The following JAK1 variants were observed in gnomAD, a reference collection of about 807,000 sequenced individuals.
JAK1 encodes tyrosine-protein kinase JAK1.
In JAK1, 16 loss-of-function variants were observed where a neutral mutation model predicts 136.6. That is an observed-to-expected ratio of 0.12 (90% CI 0.08 to 0.18). The LOEUF is 0.18. Among genes scored for constraint, JAK1 ranks in the 10% least tolerant of loss-of-function variants. JAK1 has a pLI of 1.00. For missense variants in JAK1, 859 were observed against 1,450.1 expected, an observed-to-expected ratio of 0.59 and a Z score of 6.62; for synonymous variants, 492 against 519.5, an observed-to-expected ratio of 0.95 and a Z score of 0.72.
At position 64,984,943 on chromosome 1, in the gene JAK1, G is replaced by A. The variant is rs1466960009; in HGVS notation, c.-78+59537C>T. The A allele has an allele frequency of 9.3e-7, 1 of 1,080,766 alleles. No homozygotes were observed. Among genetic ancestry groups the A allele is most frequent in the Non-Finnish European group, 1.4e-6 (1 of 698,036 alleles). The allele number at this position is 1,080,766 out of a possible 1,614,324, so 66.9% of individuals were successfully genotyped here. A position where few individuals can be genotyped will look rare whatever the true frequency, so the allele number is the denominator to read the frequency against. Reference sequence around the variant, plus strand: ...AAGAGTTCAGCCACAATAAACCAGGGAATGTGGTCTGGCCCAATTTCAAAG... The same window carrying A: ...AAGAGTTCAGCCACAATAAACCAGGAAATGTGGTCTGGCCCAATTTCAAAG... On this transcript the variant is annotated intron_variant, in intron 2 of 25. Coordinates refer to the JAK1 transcript ENST00000671954. The surrounding 1 kb of genome is among the most constrained non-coding windows in gnomAD (Gnocchi z 4.1).
At chr1:65,056,411 G>C (rs1377881952) in intron 1 of JAK1, among the ~76,000 whole-genome samples, 1 of 152,204 alleles carries the variant, frequency 6.6e-6, no homozygotes, top group East Asian at 1.9e-4. Flanking sequence ...AGACACTAAA[G>C]GGAACTGCAA....
rs200903775 is a variant in JAK1 at position 64,883,470 on chromosome 1, T to A, written c.12A>T (p.Leu4=). The A allele has an allele frequency of 1.1e-5, 17 of 1,613,378 alleles. 1 individual carries two copies. The highest frequency in any genetic ancestry group is 3.3e-4 in the Middle Eastern group (2 of 6,060). MQY[L]NIKEDCNAMA... The stretch of plus-strand genomic sequence containing the variant: ...TGGCATTGCAGTCCTCTTTTATATT[T>A]AGATACTGTTGTGGAAGGAAAACAA... Residue 4 remains leucine (L), a synonymous_variant, in exon 3 of 25, where the codon CTA becomes CTT. Coordinates refer to ENST00000342505, the MANE Select transcript of JAK1 (RefSeq NM_002227.4).
chr1:64,935,122 G>A (rs80204369), intron 1 of JAK1, among the ~76,000 whole-genome samples: 2,715 of 152,274 alleles, frequency 0.018, 76 homozygotes, highest in African/African-American at 0.061. Context: ...AGATGCATCA[G>A]ACATCCTTGG....
intron 2 of JAK1, among the ~76,000 whole-genome samples, chr1:64,976,893 T>C (rs1646501389): frequency 6.6e-6 from 1 of 152,162 alleles, no homozygotes; most frequent in Non-Finnish European, 1.5e-5. Context: ...TTCTCTAGGG[T>C]CCTTGCTGGG....
rs1012117820 is a variant in JAK1, at chr1:64,833,846, C to T, written c.*716G>A. The T allele has an allele frequency of 1.3e-5, 3 of 225,520 alleles. No homozygotes were observed. The highest frequency in any genetic ancestry group is 2.6e-5 in the Non-Finnish European group (3 of 116,966). The allele number at this position is 225,520 out of a possible 1,614,324, so 14.0% of individuals were successfully genotyped here. On this transcript the variant is annotated 3_prime_UTR_variant, in exon 25 of 25. Transcript: ENST00000342505. ...TAAAGGTATACTGCTTAGGAAAGCA[C>T]TGGCACAGGCTTAGTTCTTGAGAAT... is the stretch of plus-strand genomic sequence containing the variant.
rs1264443763 is a variant in JAK1, at chr1:65,027,469, T to TA, written c.-78+17010dup. On this transcript the variant is annotated intron_variant, in intron 2 of 25. Coordinates refer to the JAK1 transcript ENST00000671954. ...AAGCAGAGCAAAATCTCCTTACATG[T>TA]ATTTTTGTTCCGCTTCCTGTCAATT... 7.9e-5 allele frequency among the ~76,000 whole-genome samples: 12 copies of TA among 152,206 alleles called. No homozygotes were observed. In the East Asian group the frequency reaches 2.1e-3, roughly 27 times the overall value.
intron 1 of JAK1, among the ~76,000 whole-genome samples, chr1:64,891,983 T>C (rs2101367056): frequency 6.6e-6 from 1 of 152,390 alleles, no homozygotes; most frequent in Admixed American, 6.5e-5. Flanking sequence ...GGAGCCTGCA[T>C]TCAGTGAGAG....
At chr1:65,006,846 A>G (rs1646808060) in intron 2 of JAK1, among the ~76,000 whole-genome samples, 1 of 152,226 alleles carries the variant, frequency 6.6e-6, no homozygotes, top group African/African-American at 2.4e-5. Context: ...ATAGTAATGC[A>G]CTCAATTTAA....
intron 2 of JAK1, among the ~76,000 whole-genome samples, chr1:64,975,425 T>C (rs1557738399): frequency 2.0e-5 from 3 of 152,168 alleles, no homozygotes; most frequent in Non-Finnish European, 2.9e-5. Flanking sequence ...GGTGGCCACA[T>C]TTCACACACT....
upstream of JAK1, among the ~76,000 whole-genome samples, chr1:64,971,528 G>A (rs1040241236): frequency 1.3e-5 from 2 of 151,602 alleles, no homozygotes; most frequent in African/African-American, 2.4e-5. Flanking sequence ...GCAGAGACGC[G>A]GTTTCATCAT....
intron 1 of JAK1, among the ~76,000 whole-genome samples, chr1:64,929,211 G>T (rs1645646106): frequency 6.6e-6 from 1 of 152,174 alleles, no homozygotes; most frequent in African/African-American, 2.4e-5. Flanking sequence ...AAAAGCAAAT[G>T]AATTCATAAC....
At chr1:65,006,909 A>G (rs923040544) in intron 2 of JAK1, among the ~76,000 whole-genome samples, 1 of 152,220 alleles carries the variant, frequency 6.6e-6, no homozygotes, top group Non-Finnish European at 1.5e-5. Context: ...TAAGATGATT[A>G]ACATTTTTAA....
At chr1:64,873,207 T>A (rs1204282061) in intron 5 of JAK1, among the ~76,000 whole-genome samples, 163 bp downstream of exon 5, 1 of 152,164 alleles carries the variant, frequency 6.6e-6, no homozygotes, top group Non-Finnish European at 1.5e-5. Flanking sequence ...ATGCTGCCTT[T>A]TTTCTCCTCA....
At chr1:64,909,124 T>C (rs1363204594) in intron 1 of JAK1, among the ~76,000 whole-genome samples, 4 of 152,254 alleles carry the variant, frequency 2.6e-5, no homozygotes, top group African/African-American at 9.6e-5. Flanking sequence ...ACTATCTGGA[T>C]GCAACGTAAG....
Position 64,860,826 on chromosome 1 carries a change from C to CTGTGTGTGTGTGTGTGTG in JAK1, c.1177-582_1177-565dup, listed in dbSNP as rs72032330. 3.4e-3 allele frequency among the ~76,000 whole-genome samples: 405 copies of CTGTGTGTGTGTGTGTGTG among 120,422 alleles called. 8 individuals are homozygous for CTGTGTGTGTGTGTGTGTG. The highest frequency in any genetic ancestry group is 8.3e-3 in the Middle Eastern group (2 of 242). 79.0% of individuals were successfully genotyped at this position (120,422 alleles called of 152,430 possible). ...TATTATCTCAAACTATCAGATGACT[C>CTGTGTGTGTGTGTGTGTG]TGTGTGTGTGTGTGTGTGTGTGTGT... On this transcript the variant is annotated intron_variant, in intron 8 of 24. Transcript: ENST00000342505.
intron 1 of JAK1, among the ~76,000 whole-genome samples, chr1:65,055,024 A>G (rs1171632598): frequency 1.3e-5 from 2 of 152,188 alleles, no homozygotes; most frequent in African/African-American, 4.8e-5. Flanking sequence ...TTGTGGTAAA[A>G]TACACATAAA....
intron 2 of JAK1, among the ~76,000 whole-genome samples, chr1:64,995,508 G>GT (rs1646696279): frequency 6.6e-6 from 1 of 152,090 alleles, no homozygotes; most frequent in Non-Finnish European, 1.5e-5. Flanking sequence ...GCCTGTGCAC[G>GT]TTTTTTGTTT....
rs552227971 is a variant in JAK1, at chr1:65,017,911, G to C, written c.-78+26569C>G. Among the ~76,000 whole-genome samples the C allele has an allele frequency of 4.6e-5, 7 of 152,014 alleles. No individual in the cohort carries two copies. The Middle Eastern group carries it at 0.01, about 222-fold the overall frequency. On this transcript the variant is annotated intron_variant, in intron 2 of 25. Transcript: ENST00000671954. ...TGCAAGCTCCACCTCCTGGGTTCAA[G>C]TGATTCTCCTGCCTCAGCCTCCCAA...
At chr1:64,951,697 C>T (rs536220831) in intron 1 of JAK1, among the ~76,000 whole-genome samples, 4 of 134,676 alleles carry the variant, frequency 3.0e-5, no homozygotes, top group Non-Finnish European at 6.1e-5. Context: ...CTCGCTCTGT[C>T]GCCCAGGCTG....
Sources: allele counts gnomAD v4.1 joint callset (sites outside exome capture counted in the v4.1 genomes callset), GRCh38; gene constraint gnomAD v4.1.1; non-coding constraint Gnocchi (gnomAD v3.1); transcripts MANE v1.5; gene names NCBI Gene and HGNC (gene_info 2026-07-23, HGNC 2026-07-21).